Variants in ZNF577 observed in about 807,000 individuals in gnomAD.
ZNF577 encodes zinc finger protein 577.
A neutral mutation model predicts 13.9 loss-of-function variants in ZNF577; 14 were observed. The observed-to-expected ratio is 1.00, with a 90% CI of 0.66 to 1.57. The LOEUF is 1.57. Ranked by LOEUF, ZNF577 falls within the 40% of genes most tolerant of loss-of-function variation. ZNF577 has a pLI of 0.00. For missense variants in ZNF577, 555 were observed against 579.2 expected (o/e 0.96, Z 0.43); for synonymous variants, 203 against 202.9 (o/e 1.00, Z 0.00).
chr19:51,856,940 G>GC (rs3842675), intron 5 of ZNF577, among the ~76,000 whole-genome samples: 55,430 of 151,850 alleles, frequency 0.37, 10,975 homozygotes, highest in South Asian at 0.53. Flanking sequence ...TGTAGGAGCT[G>GC]CTGAGGGTGT....
chr19:51,843,383 G>A (rs1311902151), intron 6 of ZNF577: 1 of 152,112 alleles, frequency 6.6e-6, no homozygotes, highest in Non-Finnish European at 1.5e-5. Context: ...AGACTCGTAG[G>A]ACATTATTCT....
rs558882512 is a variant in ZNF577, at chr19:51,867,369, C to T, written c.*5163G>A. ...TATTGTCTTTTCTGATTCTGAACAT[C>T]GGACAAAAGATCTCTTTTCAAGAGA... On this transcript the variant is annotated 3_prime_UTR_variant, in exon 6 of 6. Transcript: ENST00000638348. Among the ~76,000 whole-genome samples the T allele has an allele frequency of 6.0e-4, 92 of 152,082 alleles. No homozygotes were observed. The highest frequency in any genetic ancestry group is 3.4e-3 in the Middle Eastern group (1 of 294).
intron 8 of ZNF577, chr19:51,840,547 G>T (rs1238052897): frequency 6.6e-6 from 1 of 152,122 alleles, no homozygotes; most frequent in African/African-American, 2.4e-5. Context: ...ACCTTGAGGG[G>T]TAAGAACTGG....
intron 5 of ZNF577, among the ~76,000 whole-genome samples, chr19:51,849,404 C>A (rs959455823): frequency 6.6e-6 from 1 of 152,146 alleles, no homozygotes; most frequent in Non-Finnish European, 1.5e-5. Context: ...GGAAGTGAGG[C>A]TTAATGGAAG....
downstream of ZNF577, chr19:51,804,757 G>C (rs1396301916): frequency 6.6e-6 from 1 of 152,122 alleles, no homozygotes; most frequent in Non-Finnish European, 1.5e-5. Context: ...ATGATCCCTG[G>C]TGGACTGAAC....
At chr19:51,820,442 A>C (rs1213626052) in intron 9 of ZNF577, among the ~76,000 whole-genome samples, 2 of 152,206 alleles carry the variant, frequency 1.3e-5, no homozygotes, top group African/African-American at 2.4e-5. Context: ...ACCAAATAGC[A>C]GCCCTCATAA....
chr19:51,881,527 G>A (rs2084862089), intron 1 of ZNF577, among the ~76,000 whole-genome samples: 1 of 152,142 alleles, frequency 6.6e-6, no homozygotes, highest in Non-Finnish European at 1.5e-5. Flanking sequence ...CTGAGACAAC[G>A]TGTGTTGTGC....
intron 9 of ZNF577, among the ~76,000 whole-genome samples, chr19:51,830,855 C>T (rs574916401): frequency 6.6e-6 from 1 of 152,246 alleles, no homozygotes; most frequent in South Asian, 2.1e-4. Flanking sequence ...CTTGAAATCC[C>T]ATCTGTACAT....
downstream of ZNF577, among the ~76,000 whole-genome samples, chr19:51,865,887 C>T (rs149459726): frequency 7.8e-4 from 118 of 152,076 alleles, 1 homozygote; most frequent in East Asian, 0.02. Context: ...GAGGCTGAGG[C>T]GGGCAGATCA....
rs558536527 is a variant in ZNF577, at chr19:51,878,440, CCTT to C, written c.133_135del (p.Lys45del). 4.5e-4 allele frequency: 722 copies of C among 1,614,100 alleles called. 1 individual carries two copies. Among genetic ancestry groups the C allele is most frequent in the Non-Finnish European group, 5.9e-4 (701 of 1,180,004 alleles). ...TCCAACATTACTTCCTTGTACAAGA[CCTT>C]CTGAGACTGGTCCAAAAACTGCCAC... On this transcript the variant is annotated inframe_deletion, in exon 4 of 6. Transcript: ENST00000638348.
intron 10 of ZNF577, among the ~76,000 whole-genome samples, chr19:51,809,289 G>C (rs1599833712): frequency 6.6e-6 from 1 of 152,222 alleles, no homozygotes; most frequent in African/African-American, 2.4e-5. Flanking sequence ...AACACTTTGA[G>C]CTGTTCCTAC....
At chr19:51,874,004 T>C (rs1012224488) in intron 5 of ZNF577, among the ~76,000 whole-genome samples, 3 of 152,166 alleles carry the variant, frequency 2.0e-5, no homozygotes, top group Non-Finnish European at 4.4e-5. Flanking sequence ...CTCAGAGTAA[T>C]GTACCTCACA....
At chr19:51,882,784 C>CA (rs893888237) in intron 1 of ZNF577, among the ~76,000 whole-genome samples, 4 of 150,608 alleles carry the variant, frequency 2.7e-5, no homozygotes, top group East Asian at 2.0e-4. Context: ...GATCCTGTCT[C>CA]AAAAAAAACA....
chr19:51,876,942 A>G (rs2084774509), intron 5 of ZNF577, among the ~76,000 whole-genome samples: 1 of 151,882 alleles, frequency 6.6e-6, no homozygotes, highest in Non-Finnish European at 1.5e-5. Context: ...AAAAAAAAAA[A>G]AGGCAACATA....
intron 9 of ZNF577, among the ~76,000 whole-genome samples, chr19:51,816,190 C>T (rs1346535908): frequency 1.3e-5 from 2 of 152,210 alleles, no homozygotes; most frequent in Non-Finnish European, 2.9e-5. Context: ...CCACCTCAAC[C>T]TCTCCCTTGC....
intron 10 of ZNF577, chr19:51,805,286 T>C (rs2084051003): frequency 1.3e-5 from 2 of 152,208 alleles, no homozygotes; most frequent in Non-Finnish European, 2.9e-5. Context: ...AAAACAACAT[T>C]ACTCCAAGAA....
intron 5 of ZNF577, among the ~76,000 whole-genome samples, chr19:51,853,749 A>G (rs1190418001): frequency 6.6e-6 from 1 of 152,152 alleles, no homozygotes; most frequent in Non-Finnish European, 1.5e-5. Context: ...TCTCTTTTTC[A>G]GCTTGCTAGT....
Position 51,887,911 on chromosome 19 carries a change from C to G in ZNF577, c.-1309G>C, listed in dbSNP as rs954441884. ...AAACACTCGCCTCTACCCGCCGCCC[C>G]GCGAACCCCACACACTGCAGACGCG... On this transcript the variant is annotated 5_prime_UTR_variant, in exon 1 of 6. Coordinates refer to ENST00000638348, the MANE Select transcript of ZNF577 (RefSeq NM_001370449.1). 1.3e-5 allele frequency: 2 copies of G among 152,252 alleles called. No individual in the cohort carries two copies. The highest frequency in any genetic ancestry group is 2.9e-5 in the Non-Finnish European group (2 of 68,068). 9.4% of individuals were successfully genotyped at this position (152,252 alleles called of 1,614,324 possible).
Position 51,869,600 on chromosome 19 carries a change from C to T in ZNF577, c.*2932G>A, listed in dbSNP as rs2084622726. Among the ~76,000 whole-genome samples, 1 of 150,900 alleles carries T rather than the reference C, an allele frequency of 6.6e-6. No individual in the cohort carries two copies. Among genetic ancestry groups the T allele is most frequent in the Non-Finnish European group, 1.5e-5 (1 of 67,248 alleles). ...CGGTCCCCTGGGGCCACTGTTCTTT[C>T]TCTACTTTGTCTCTGTGTCTTATTT... On this transcript the variant is annotated 3_prime_UTR_variant, in exon 6 of 6. Coordinates refer to ENST00000638348, the MANE Select transcript of ZNF577 (RefSeq NM_001370449.1).
Sources: allele counts gnomAD v4.1 joint callset (sites outside exome capture counted in the v4.1 genomes callset), GRCh38; gene constraint gnomAD v4.1.1; transcripts MANE v1.5; gene names NCBI Gene and HGNC (gene_info 2026-07-23, HGNC 2026-07-21).